The following BMAL2 variants were observed in gnomAD, a reference collection of about 807,000 sequenced individuals.
BMAL2 encodes basic helix-loop-helix ARNT-like protein 2.
At chr12:27,393,634 T>C in the BMAL2 span, among the ~76,000 whole-genome samples, 400 of 152,336 alleles carry the variant, frequency 2.6e-3, 1 homozygote, top group African/African-American at 9.0e-3. Context: ...TCCCTGCACA[T>C]TGGCTGTGCT....
chr12:27,355,576 T>C, the BMAL2 span, among the ~76,000 whole-genome samples: 1 of 152,192 alleles, frequency 6.6e-6, no homozygotes, highest in Non-Finnish European at 1.5e-5. Context: ...AGACACCACT[T>C]ACCTGTTTAT....
the BMAL2 span, among the ~76,000 whole-genome samples, chr12:27,376,952 A>G: frequency 3.7e-3 from 540 of 146,816 alleles, 2 homozygotes; most frequent in African/African-American, 0.013. Flanking sequence ...AGTGAGCCGA[A>G]ATCGCGCCAC....
chr12:27,370,401 A>C, the BMAL2 span, among the ~76,000 whole-genome samples: 1 of 152,162 alleles, frequency 6.6e-6, no homozygotes, highest in Non-Finnish European at 1.5e-5. Context: ...CTTTAATGAA[A>C]TTATGGATGT....
At chr12:27,339,762 C>G in the BMAL2 span, among the ~76,000 whole-genome samples, 1 of 152,080 alleles carries the variant, frequency 6.6e-6, no homozygotes, top group Non-Finnish European at 1.5e-5. Flanking sequence ...GCAGCTGGAA[C>G]TACAGGTGCA....
At chr12:27,393,246 G>A in the BMAL2 span, among the ~76,000 whole-genome samples, 2 of 152,172 alleles carry the variant, frequency 1.3e-5, no homozygotes, top group Non-Finnish European at 2.9e-5. Flanking sequence ...ATCACCATTT[G>A]AACTCCTCCC....
At chr12:27,385,637 T>C in the BMAL2 span, 1 of 947,280 alleles carries the variant, frequency 1.1e-6, no homozygotes, top group Non-Finnish European at 1.6e-6. Flanking sequence ...TTTCTTCCAT[T>C]TGCTTCCTGT....
the BMAL2 span, among the ~76,000 whole-genome samples, chr12:27,399,545 C>G: frequency 6.6e-6 from 1 of 152,160 alleles, no homozygotes; most frequent in African/African-American, 2.4e-5. Flanking sequence ...TTTAAACAGA[C>G]TGTGACACAT....
chr12:27,389,166 A>G, the BMAL2 span: 7 of 1,518,068 alleles, frequency 4.6e-6, no homozygotes, highest in Non-Finnish European at 6.4e-6. Context: ...ATGAATGTCT[A>G]CCTTATGAAT....
At chr12:27,376,155 T>C in the BMAL2 span, among the ~76,000 whole-genome samples, 1 of 152,190 alleles carries the variant, frequency 6.6e-6, no homozygotes, top group Admixed American at 6.5e-5. Flanking sequence ...CTGTCAGCGT[T>C]AGGAGGAGAA....
At chr12:27,387,852 G>A in the BMAL2 span, among the ~76,000 whole-genome samples, 2 of 152,280 alleles carry the variant, frequency 1.3e-5, no homozygotes, top group African/African-American at 4.8e-5. Context: ...ACTAACCCAA[G>A]TAAGTGAATA....
the BMAL2 span, among the ~76,000 whole-genome samples, chr12:27,359,053 A>G: frequency 1.3e-5 from 2 of 152,080 alleles, no homozygotes; most frequent in African/African-American, 4.8e-5. Flanking sequence ...CAAACCTATA[A>G]AACAATAACT....
At chr12:27,390,226 C>T in the BMAL2 span, 3 of 1,613,624 alleles carry the variant, frequency 1.9e-6, no homozygotes, top group East Asian at 2.2e-5. Flanking sequence ...GCTTACCCAA[C>T]TCAAAGAAGA....
chr12:27,353,704 A>G, the BMAL2 span, among the ~76,000 whole-genome samples: 3 of 152,212 alleles, frequency 2.0e-5, no homozygotes, highest in African/African-American at 7.2e-5. Flanking sequence ...AGAATCTATA[A>G]AGAACTTAAA....
At chr12:27,410,524 T>C in the BMAL2 span, among the ~76,000 whole-genome samples, 7 of 152,064 alleles carry the variant, frequency 4.6e-5, no homozygotes, top group Admixed American at 4.6e-4. Flanking sequence ...ATGTTCTCAC[T>C]CATAGGTGGG....
the BMAL2 span, among the ~76,000 whole-genome samples, chr12:27,391,263 G>T: frequency 6.6e-6 from 1 of 152,044 alleles, no homozygotes; most frequent in Admixed American, 6.6e-5. Context: ...TCCATGTTTA[G>T]CTCCTACTTA....
the BMAL2 span, among the ~76,000 whole-genome samples, chr12:27,354,895 A>T: frequency 6.6e-6 from 1 of 152,216 alleles, no homozygotes; most frequent in Non-Finnish European, 1.5e-5. Context: ...TGCCAGCTCA[A>T]CAAATGATCG....
the BMAL2 span, among the ~76,000 whole-genome samples, chr12:27,404,184 C>CAAA: frequency 3.8e-5 from 3 of 78,292 alleles, no homozygotes; most frequent in Non-Finnish European, 7.9e-5. Context: ...GACCCTGTCT[C>CAAA]AAAAAAAAAA....
chr12:27,339,376 T>A, the BMAL2 span, among the ~76,000 whole-genome samples: 4 of 152,334 alleles, frequency 2.6e-5, no homozygotes, highest in South Asian at 4.1e-4. Context: ...GGAACCTAGG[T>A]TGATTCCATG....
the BMAL2 span, among the ~76,000 whole-genome samples, chr12:27,360,238 C>T: frequency 1.3e-5 from 2 of 151,858 alleles, no homozygotes; most frequent in Non-Finnish European, 2.9e-5. Context: ...TTCCCAGTAC[C>T]CTTCAAAAGT....
Sources: gnomAD v4.1 joint callset for allele counts (sites outside exome capture counted in the v4.1 genomes callset) on GRCh38, gnomAD v4.1.1 for gene constraint, MANE v1.5 for transcripts, NCBI Gene and HGNC (gene_info 2026-07-23, HGNC 2026-07-21) for gene names.